MBP: variants seen among roughly 807,000 people sequenced by gnomAD.
MBP encodes the protein Golli-MBP.
MBP carries 16 observed loss-of-function variants against 35.8 expected under a neutral mutation model. The observed-to-expected ratio is 0.45, with a 90% CI of 0.30 to 0.68. The LOEUF is 0.68. Among genes scored for constraint, MBP ranks in the 30% least tolerant of loss-of-function variants. The probability of loss-of-function intolerance (pLI) is 0.08; values close to 1 mark genes in which losing one functional copy is unlikely to be tolerated. For missense variants in MBP, 380 were observed against 404.7 expected, an observed-to-expected ratio of 0.94 and a Z score of 0.52; for synonymous variants, 143 against 159.6, an observed-to-expected ratio of 0.90 and a Z score of 0.78.
At chr18:77,078,105 A>G (rs903534448) in intron 2 of MBP, among the ~76,000 whole-genome samples, 1 of 152,186 alleles carries the variant, frequency 6.6e-6, no homozygotes, top group African/African-American at 2.4e-5. Context: ...ACAGTGGAAG[A>G]TGCATTTTCA....
At chr18:77,012,698 C>T in intron 4 of MBP, 2 of 821,528 alleles carry the variant, frequency 2.4e-6, no homozygotes, top group Non-Finnish European at 2.9e-6. Flanking sequence ...CACCAGGCCA[C>T]AAAAATGCCG....
At position 77,082,070 on chromosome 18, in the gene MBP, T is replaced by A. The variant is rs1036968390; in HGVS notation, c.52-15685A>T. On this transcript the variant is annotated intron_variant, in intron 2 of 8. Transcript: ENST00000355994. Reference sequence around the variant, plus strand: ...GGTTTCACTGTGTTAGCCGGGATGGTTTCGATCTCCTGACCTTGTGATCCG... The same window carrying A: ...GGTTTCACTGTGTTAGCCGGGATGGATTCGATCTCCTGACCTTGTGATCCG... Among the ~76,000 whole-genome samples the A allele has an allele frequency of 2.1e-4, 32 of 151,580 alleles. 1 individual carries two copies. The East Asian group carries it at 3.7e-3, about 18-fold the overall frequency.
At chr18:77,017,853 C>A (rs913385193) in intron 3 of MBP, 2 of 152,188 alleles carry the variant, frequency 1.3e-5, no homozygotes, top group Non-Finnish European at 2.9e-5. Flanking sequence ...CTTGGCTTCT[C>A]CTCTGGAAGC....
chr18:76,997,873 G>A (rs372158559), intron 4 of MBP, among the ~76,000 whole-genome samples: 16 of 151,976 alleles, frequency 1.1e-4, no homozygotes, highest in African/African-American at 3.1e-4. Flanking sequence ...TAGTAGAGAC[G>A]GGGTTTCACT....
chr18:77,045,645 A>C (rs939809622), intron 3 of MBP, among the ~76,000 whole-genome samples: 1 of 152,254 alleles, frequency 6.6e-6, no homozygotes, highest in African/African-American at 2.4e-5. Flanking sequence ...TATTGAAATA[A>C]ATGGACTGTG....
chr18:77,085,476 G>A (rs1667911), intron 2 of MBP, among the ~76,000 whole-genome samples: 143,207 of 152,228 alleles, frequency 0.94, 67,487 homozygotes, highest in Non-Finnish European at 0.97. Context: ...TGTGAACATT[G>A]AATGATCTCA....
Position 77,098,168 on chromosome 18 carries a change from C to CTTTTTTTTTTTTTTTTTTTTT in MBP, c.51+7022_51+7042dup, listed in dbSNP as rs3214873. On this transcript the variant is annotated intron_variant, in intron 2 of 8. Coordinates refer to ENST00000355994, the MANE Select transcript of MBP (RefSeq NM_001025101.2). ...TTCTGAGGACAGACACAAGGACTTC[C>CTTTTTTTTTTTTTTTTTTTTT]TTTTTTTTTTTTTTTTTTTTTACAA... Among the ~76,000 whole-genome samples the CTTTTTTTTTTTTTTTTTTTTT allele has an allele frequency of 1.8e-4, 19 of 108,524 alleles. 1 individual carries two copies. Among genetic ancestry groups the CTTTTTTTTTTTTTTTTTTTTT allele is most frequent in the East Asian group, 1.6e-3 (5 of 3,118 alleles). 71.2% of individuals were successfully genotyped at this position (108,524 alleles called of 152,430 possible).
chr18:76,990,098 A>T, intron 4 of MBP, 38 bp from the exon 5 acceptor site: 1 of 1,398,564 alleles, frequency 7.2e-7, no homozygotes, highest in Non-Finnish European at 1.0e-6. Context: ...GGACAAGTCC[A>T]CAGTCCCTGC....
intron 8 of MBP, chr18:76,982,898 AAATT>A (rs1568261732): frequency 7.6e-6 from 1 of 132,224 alleles, no homozygotes; most frequent in Non-Finnish European, 1.9e-5. Context: ...AACTCTACAG[AAATT>A]AAATAATTTT....
intron 8 of MBP, 138 bp from the exon 9 acceptor site, chr18:76,980,609 G>C: frequency 1.5e-6 from 1 of 675,228 alleles, no homozygotes; most frequent in Non-Finnish European, 2.7e-6. Flanking sequence ...GCACCCCGGA[G>C]AGCTGGTCTT....
intron 7 of MBP, chr18:76,987,248 A>G (rs1022785421): frequency 1.0e-6 from 1 of 985,388 alleles, no homozygotes; most frequent in African/African-American, 1.7e-5. Context: ...TTCTGGGTCA[A>G]AAATGAATTT....
intron 1 of MBP, among the ~76,000 whole-genome samples, chr18:77,126,668 C>CTAA (rs1052856722): frequency 1.3e-5 from 2 of 152,156 alleles, no homozygotes; most frequent in Non-Finnish European, 2.9e-5. Context: ...CCTCCTAGAT[C>CTAA]TAATAAGGCA....
intron 2 of MBP, chr18:77,069,133 GCCTTACACA>G: frequency 2.2e-6 from 1 of 450,050 alleles, no homozygotes; most frequent in East Asian, 7.0e-5. Context: ...CAAGAACAGT[GCCTTACACA>G]CCTTCCCAAC....
rs948910799 is a variant in MBP, at chr18:77,044,312, C to T, written c.139+21986G>A. On this transcript the variant is annotated intron_variant, in intron 3 of 8. Transcript: ENST00000355994. This position sits in a 1 kb window ranked among gnomAD's most constrained non-coding sequence, Gnocchi z 4.4. ...TGCCTGAGACGGGGTCCAAACCCCT[C>T]TTCAACTGTCCTCCAAGCTTCAGGT... 3.3e-5 allele frequency among the ~76,000 whole-genome samples: 5 copies of T among 152,178 alleles called. No individual in the cohort carries two copies. Among genetic ancestry groups the T allele is most frequent in the South Asian group, 2.1e-4 (1 of 4,826 alleles).
chr18:77,056,622 A>C (rs1973733786), intron 3 of MBP, among the ~76,000 whole-genome samples: 1 of 152,070 alleles, frequency 6.6e-6, no homozygotes, highest in African/African-American at 2.4e-5. Context: ...CTCTCCCACC[A>C]GCTCACCCCA....
intron 4 of MBP, chr18:77,003,342 C>A (rs762149977): frequency 4.6e-5 from 7 of 152,162 alleles, no homozygotes; most frequent in Non-Finnish European, 1.5e-5. Context: ...ATCCACAAAG[C>A]GGCATTCGGG....
rs575587744 is a variant in MBP at position 77,027,207 on chromosome 18, A to G, written c.140-9939T>C. On this transcript the variant is annotated intron_variant, in intron 3 of 8. Coordinates refer to ENST00000355994, the MANE Select transcript of MBP (RefSeq NM_001025101.2). Reference sequence around the variant, plus strand: ...AGCTAAGACATTAAAAAAAAAGCAGACAACTACCATGTACTGGGAATATAA... The same window carrying G: ...AGCTAAGACATTAAAAAAAAAGCAGGCAACTACCATGTACTGGGAATATAA... Among the ~76,000 whole-genome samples the G allele has an allele frequency of 1.1e-3, 160 of 152,296 alleles. 4 individuals are homozygous for G. Among genetic ancestry groups the G allele is most frequent in the African/African-American group, 3.6e-3 (151 of 41,548 alleles).
At chr18:77,010,997 A>G (rs191559909) in intron 4 of MBP, among the ~76,000 whole-genome samples, 1 of 152,344 alleles carries the variant, frequency 6.6e-6, no homozygotes, top group Admixed American at 6.5e-5. Context: ...TCTTTTAACC[A>G]GGTTAGCAGC....
intron 3 of MBP, among the ~76,000 whole-genome samples, chr18:77,063,175 T>C (rs1415521581): frequency 1.3e-5 from 2 of 152,240 alleles, no homozygotes; most frequent in Non-Finnish European, 2.9e-5. Context: ...TCCAAGGTTA[T>C]ACAGCCAAGA....
Sources: gnomAD v4.1 joint callset for allele counts (sites outside exome capture counted in the v4.1 genomes callset) on GRCh38, gnomAD v4.1.1 for gene constraint, Gnocchi (gnomAD v3.1) non-coding constraint, MANE v1.5 for transcripts, NCBI Gene and HGNC (gene_info 2026-07-23, HGNC 2026-07-21) for gene names.